EPHA3: variants seen among roughly 807,000 people sequenced by gnomAD.
The protein encoded by EPHA3 is EPH receptor A3.
EPHA3 carries 42 observed loss-of-function variants against 107.1 expected under a neutral mutation model. That is an observed-to-expected ratio of 0.39 (90% CI 0.31 to 0.51). EPHA3 has a LOEUF of 0.51. Ranked by LOEUF, EPHA3 falls within the 20% of genes least tolerant of loss-of-function variation. EPHA3 has a pLI of 0.78. For synonymous variants in EPHA3, 461 were observed against 424.8 expected, an observed-to-expected ratio of 1.09 and a Z score of -1.05; for missense variants, 1,183 against 1,211.2, an observed-to-expected ratio of 0.98 and a Z score of 0.35.
chr3:89,159,025 T>C (rs1334389115), intron 2 of EPHA3, among the ~76,000 whole-genome samples: 2 of 152,106 alleles, frequency 1.3e-5, no homozygotes, highest in African/African-American at 4.8e-5. Flanking sequence ...CTCACCCACA[T>C]TTCCTTAAGC....
intron 2 of EPHA3, among the ~76,000 whole-genome samples, chr3:89,191,710 T>C (rs1404726439): frequency 2.6e-5 from 4 of 152,190 alleles, no homozygotes; most frequent in Admixed American, 6.5e-5. Flanking sequence ...TTGGTAGATA[T>C]ATTGTTCTCT....
intron 2 of EPHA3, among the ~76,000 whole-genome samples, chr3:89,200,214 T>G (rs1231234632): frequency 2.6e-5 from 4 of 152,194 alleles, no homozygotes; most frequent in Non-Finnish European, 4.4e-5. Flanking sequence ...TTGGACATTA[T>G]TTCACAGAGA....
intron 7 of EPHA3, chr3:89,399,883 T>A (rs1708924165): frequency 9.3e-7 from 1 of 1,069,768 alleles, no homozygotes; most frequent in South Asian, 4.5e-5. Context: ...AATTTTGTTT[T>A]AATCCTTAAC....
intron 10 of EPHA3, among the ~76,000 whole-genome samples, chr3:89,415,239 C>T (rs565045891): frequency 6.6e-6 from 1 of 150,772 alleles, no homozygotes; most frequent in East Asian, 2.0e-4. Context: ...AATAAATAAA[C>T]CTGTATGTTA....
At chr3:89,130,572 C>T (rs377178437) in intron 2 of EPHA3, among the ~76,000 whole-genome samples, 1 of 151,132 alleles carries the variant, frequency 6.6e-6, no homozygotes, top group African/African-American at 2.4e-5. Flanking sequence ...CGTATTCATA[C>T]ATGAAACTTT....
At chr3:89,294,205 T>C (rs1706288767) in intron 3 of EPHA3, among the ~76,000 whole-genome samples, 1 of 152,172 alleles carries the variant, frequency 6.6e-6, no homozygotes, top group Non-Finnish European at 1.5e-5. Flanking sequence ...ATAATTTATT[T>C]TTATTAATTT....
intron 1 of EPHA3, among the ~76,000 whole-genome samples, chr3:89,109,121 T>A (rs1373445373): frequency 6.6e-6 from 1 of 152,148 alleles, no homozygotes; most frequent in African/African-American, 2.4e-5. Flanking sequence ...ATCTCCTTCC[T>A]TACTGACTGC....
intron 3 of EPHA3, among the ~76,000 whole-genome samples, chr3:89,246,390 AAAGT>A (rs1445873943): frequency 6.6e-6 from 1 of 152,222 alleles, no homozygotes; most frequent in Non-Finnish European, 1.5e-5. Context: ...ATTTTGAGAA[AAAGT>A]AAGTTTAAAA....
At chr3:89,368,972 C>A (rs1281070676) in intron 5 of EPHA3, among the ~76,000 whole-genome samples, 1 of 150,554 alleles carries the variant, frequency 6.6e-6, no homozygotes, top group Non-Finnish European at 1.5e-5. Flanking sequence ...AAGTAAGATG[C>A]CTAGTTCACA....
intron 2 of EPHA3, among the ~76,000 whole-genome samples, chr3:89,195,612 A>C (rs1705820493): frequency 6.6e-6 from 1 of 152,024 alleles, no homozygotes; most frequent in South Asian, 2.1e-4. Flanking sequence ...TCCTTGTCCT[A>C]CTCCTAAAAT....
At chr3:89,167,295 AATAC>A (rs1705095081) in intron 2 of EPHA3, among the ~76,000 whole-genome samples, 1 of 152,130 alleles carries the variant, frequency 6.6e-6, no homozygotes. Context: ...TCAAATATAA[AATAC>A]ATATACTTGG....
In EPHA3 at chr3:89,340,968, G is replaced by T; in HGVS notation, c.867G>T (p.Lys289Asn). The change falls in exon 4 of 17, where the codon AAG (lysine) becomes AAT (asparagine). Residue 289 changes from lysine to asparagine, a missense_variant. Physicochemically the swap from Lys to Asn is moderately conservative, Grantham distance 94. Transcript: ENST00000336596. ...KALDGNMKCAKCPPHSSTQED... is the reference protein window; with the variant it reads ...KALDGNMKCANCPPHSSTQED... The stretch of plus-strand genomic sequence containing the variant: ...TGGATGGTAATATGAAGTGTGCTAA[G>T]TGCCCGCCTCACAGTTCTACTCAGG... The T allele has an allele frequency of 6.2e-7, 1 of 1,614,120 alleles. No individual in the cohort carries two copies. Among genetic ancestry groups the T allele is most frequent in the Non-Finnish European group, 8.5e-7 (1 of 1,180,018 alleles).
intron 12 of EPHA3, among the ~76,000 whole-genome samples, chr3:89,429,621 A>G (rs1224584500): frequency 6.6e-6 from 1 of 152,130 alleles, no homozygotes; most frequent in Non-Finnish European, 1.5e-5. Context: ...TATAGTTTTA[A>G]TTTAGATATA....
chr3:89,412,993 C>G, intron 9 of EPHA3, 148 bp from the exon 10 acceptor site: 1 of 989,610 alleles, frequency 1.0e-6, no homozygotes, highest in Non-Finnish European at 1.5e-6. Flanking sequence ...AATGTCACTG[C>G]CAGTTTCTGT....
intron 2 of EPHA3, among the ~76,000 whole-genome samples, chr3:89,141,424 G>A (rs1202204167): frequency 1.1e-4 from 17 of 151,542 alleles, no homozygotes; most frequent in Admixed American, 9.3e-4. Flanking sequence ...CAACTAGGCA[G>A]AAAGGGGGTA....
At chr3:89,172,781 A>G (rs1466317872) in intron 2 of EPHA3, among the ~76,000 whole-genome samples, 1 of 152,204 alleles carries the variant, frequency 6.6e-6, no homozygotes, top group African/African-American at 2.4e-5. Context: ...CAGGACATCA[A>G]TTACAGTGTA....
chr3:89,113,710 A>G (rs7630371), intron 1 of EPHA3, among the ~76,000 whole-genome samples: 34,106 of 150,172 alleles, frequency 0.23, 3,988 homozygotes, highest in Middle Eastern at 0.32. Flanking sequence ...ATCCCTAAAA[A>G]CCCCGCACAC....
intron 3 of EPHA3, among the ~76,000 whole-genome samples, chr3:89,306,455 A>C (rs565428635): frequency 6.6e-6 from 1 of 152,190 alleles, no homozygotes; most frequent in African/African-American, 2.4e-5. Flanking sequence ...AGTAGAATTA[A>C]TGTTAACAGT....
At chr3:89,290,377 A>G (rs7631304) in intron 3 of EPHA3, among the ~76,000 whole-genome samples, 41,257 of 152,040 alleles carry the variant, frequency 0.27, 7,089 homozygotes, top group African/African-American at 0.5. Flanking sequence ...ACTGTTGAAC[A>G]TGTGGTCTCA....
Sources: allele counts gnomAD v4.1 joint callset (sites outside exome capture counted in the v4.1 genomes callset), GRCh38; gene constraint gnomAD v4.1.1; transcripts MANE v1.5; gene names NCBI Gene and HGNC (gene_info 2026-07-23, HGNC 2026-07-21).